OLAH: variants seen among roughly 807,000 people sequenced by gnomAD.
OLAH encodes oleoyl-ACP hydrolase.
Under a neutral mutation model 27.8 loss-of-function variants are expected in OLAH, and 33 were observed. That is an observed-to-expected ratio of 1.19 (90% CI 0.90 to 1.59). The LOEUF is 1.59. OLAH is among the 40% of genes most tolerant of loss of function. OLAH has a pLI of 0.00. For synonymous variants in OLAH, 120 were observed against 102.9 expected, an observed-to-expected ratio of 1.17 and a Z score of -1.01; for missense variants, 359 against 310.8, an observed-to-expected ratio of 1.16 and a Z score of -1.17.
At chr10:15,039,011 T>G (rs1008345636), upstream of OLAH, among the ~76,000 whole-genome samples, 3 of 152,012 alleles carry the variant, frequency 2.0e-5, no homozygotes, top group Non-Finnish European at 4.4e-5. Flanking sequence ...CTGCTTGAAG[T>G]CAGGAATTCG....
intron 1 of OLAH, among the ~76,000 whole-genome samples, chr10:15,035,066 C>T (rs1368109867): frequency 6.6e-6 from 1 of 152,122 alleles, no homozygotes; most frequent in Non-Finnish European, 1.5e-5. Context: ...TCCCAAAGTG[C>T]TGGGATTACA....
chr10:15,048,829 G>T (rs1020149455), intron 2 of OLAH, among the ~76,000 whole-genome samples: 1 of 152,056 alleles, frequency 6.6e-6, no homozygotes, highest in Non-Finnish European at 1.5e-5. Context: ...CAAGGGCTGG[G>T]TGTGGCTTAT....
At chr10:15,072,698 G>A (rs1000653831) in intron 7 of OLAH, among the ~76,000 whole-genome samples, 1 of 151,604 alleles carries the variant, frequency 6.6e-6, no homozygotes, top group African/African-American at 2.4e-5. Flanking sequence ...GGCTTTCTTG[G>A]GGCAGACATC....
At position 15,064,509 on chromosome 10, in the gene OLAH, A is replaced by G. The variant is rs956617585; in HGVS notation, c.402+7A>G. On this transcript the variant is annotated splice_region_variant and intron_variant, in intron 5 of 7. Coordinates refer to ENST00000378228, the MANE Select transcript of OLAH (RefSeq NM_001039702.3). ...AAGTGCAACTCCTGTACATGTAAGTAATTTAGCTTTTTCCTAGGAAGGGCA... is the reference window on the plus strand; with the variant it reads ...AAGTGCAACTCCTGTACATGTAAGTGATTTAGCTTTTTCCTAGGAAGGGCA... 2.0e-6 allele frequency: 3 copies of G among 1,536,834 alleles called. No homozygotes were observed. The highest frequency in any genetic ancestry group is 2.6e-6 in the Non-Finnish European group (3 of 1,136,336).
chr10:15,061,846 G>T lies in OLAH; in HGVS notation c.286G>T (p.Ala96Ser). 1 of 1,612,978 alleles carries T rather than the reference G, an allele frequency of 6.2e-7. No individual in the cohort carries two copies. The highest frequency in any genetic ancestry group is 8.5e-7 in the Non-Finnish European group (1 of 1,179,600). The change falls in exon 4 of 8, where the codon GCA (alanine) becomes TCA (serine). Residue 96 changes from alanine (A) to serine (S), a missense_variant. By Grantham distance (99) the Ala-to-Ser change is moderately conservative. Transcript: ENST00000378228. ...LQPVIQDKPF[A>S]FFGHSMGSYI... ...GCCAGTCATCCAGGATAAACCATTTGCATTTTTTGGCCACAGGTATTTGAT... is the reference window on the plus strand; with the variant it reads ...GCCAGTCATCCAGGATAAACCATTTTCATTTTTTGGCCACAGGTATTTGAT...
At chr10:15,049,096 A>G (rs1844079942) in intron 2 of OLAH, among the ~76,000 whole-genome samples, 1 of 112,532 alleles carries the variant, frequency 8.9e-6, no homozygotes, top group Admixed American at 1.2e-4. Context: ...AAGTGAGACT[A>G]TGTCTTTTTT....
intron 1 of OLAH, among the ~76,000 whole-genome samples, chr10:15,032,665 T>C (rs1251790581): frequency 6.7e-6 from 1 of 149,948 alleles, no homozygotes; most frequent in East Asian, 2.0e-4. Context: ...GGGAATTCTA[T>C]AACTTGTTTT....
At chr10:15,043,153 T>C (rs12572526), upstream of OLAH, among the ~76,000 whole-genome samples, 17,274 of 151,660 alleles carry the variant, frequency 0.11, 1,050 homozygotes, top group South Asian at 0.21. Context: ...AGCCACCGCG[T>C]CCAGCCATCC....
intron 1 of OLAH, among the ~76,000 whole-genome samples, chr10:15,044,330 C>T (rs1237967919): frequency 6.6e-6 from 1 of 152,080 alleles, no homozygotes; most frequent in Non-Finnish European, 1.5e-5. Context: ...TTAAGGCATG[C>T]ATATTTATAC....
intron 6 of OLAH, among the ~76,000 whole-genome samples, chr10:15,067,746 C>T (rs980975645): frequency 2.6e-5 from 4 of 152,164 alleles, no homozygotes; most frequent in Non-Finnish European, 4.4e-5. Flanking sequence ...CCCACGTCCT[C>T]GTTATCTCCC....
chr10:15,056,550 C>T (rs1844249194), intron 3 of OLAH, among the ~76,000 whole-genome samples: 1 of 152,026 alleles, frequency 6.6e-6, no homozygotes, highest in Non-Finnish European at 1.5e-5. Flanking sequence ...ATTTTTTTCA[C>T]ATTTTGATTG....
chr10:15,047,355 C>T, intron 2 of OLAH, 35 bp downstream of exon 2: 1 of 1,607,898 alleles, frequency 6.2e-7, no homozygotes, highest in Non-Finnish European at 8.5e-7. Context: ...GCTCTTCCTC[C>T]ATCCCAGGGG....
At chr10:15,042,849 C>CTTTTTTTTTT (rs67828197), upstream of OLAH, among the ~76,000 whole-genome samples, 7 of 60,626 alleles carry the variant, frequency 1.2e-4, 3 homozygotes, top group African/African-American at 3.4e-4. Context: ...ACCCACGTGT[C>CTTTTTTTTTT]TTTTTTTTTT....
chr10:15,068,805 G>A (rs1390418216), intron 6 of OLAH, among the ~76,000 whole-genome samples: 2 of 152,240 alleles, frequency 1.3e-5, no homozygotes, highest in East Asian at 1.9e-4. Flanking sequence ...CAGGCCGTTA[G>A]TGTGGGGAAT....
At chr10:15,069,362 G>C (rs1159978419) in intron 6 of OLAH, among the ~76,000 whole-genome samples, 1 of 152,164 alleles carries the variant, frequency 6.6e-6, no homozygotes, top group Non-Finnish European at 1.5e-5. Context: ...AGCAGCCACA[G>C]GGCTTCACCT....
chr10:15,035,109 TTG>T (rs1843822488), intron 1 of OLAH, among the ~76,000 whole-genome samples: 1 of 152,048 alleles, frequency 6.6e-6, no homozygotes, highest in Non-Finnish European at 1.5e-5. Flanking sequence ...GGGTTGTTCA[TTG>T]AACTCCCAGA....
chr10:15,036,478 C>A (rs1843842057), intron 1 of OLAH, among the ~76,000 whole-genome samples: 1 of 151,996 alleles, frequency 6.6e-6, no homozygotes, highest in Non-Finnish European at 1.5e-5. Context: ...ACCTGGGCAA[C>A]AAAAGCGAGA....
chr10:15,034,634 C>G (rs1297194600), intron 1 of OLAH, among the ~76,000 whole-genome samples: 1 of 152,088 alleles, frequency 6.6e-6, no homozygotes, highest in Non-Finnish European at 1.5e-5. Context: ...TATGGCCCAG[C>G]CACTTTGTTC....
chr10:15,049,849 T>G, intron 3 of OLAH, 84 bp downstream of exon 3: 1 of 1,326,632 alleles, frequency 7.5e-7, no homozygotes, highest in South Asian at 1.4e-5. Context: ...GGTCAAGACT[T>G]TCCTTCCTGG....
Sources: allele counts gnomAD v4.1 joint callset (sites outside exome capture counted in the v4.1 genomes callset), GRCh38; gene constraint gnomAD v4.1.1; transcripts MANE v1.5; gene names NCBI Gene and HGNC (gene_info 2026-07-23, HGNC 2026-07-21).